The following ARSG variants were observed in gnomAD, a reference collection of about 807,000 sequenced individuals.
ARSG encodes the protein ASG.
A neutral mutation model predicts 50.5 loss-of-function variants in ARSG; 37 were observed. That is an observed-to-expected ratio of 0.73 (90% CI 0.56 to 0.96). The LOEUF (loss-of-function observed/expected upper bound fraction) is 0.96. Among genes scored for constraint, ARSG ranks in the 50% least tolerant of loss-of-function variants. ARSG has a pLI of 0.00. For synonymous variants in ARSG, 225 were observed against 254.6 expected (o/e 0.88, Z 1.11); for missense variants, 629 against 675.3 (o/e 0.93, Z 0.76).
chr17:68,383,726 G>A (rs1323420628), intron 8 of ARSG, among the ~76,000 whole-genome samples: 1 of 152,180 alleles, frequency 6.6e-6, no homozygotes, highest in South Asian at 2.1e-4. Flanking sequence ...CCAAGTGCGT[G>A]AATAAATTGG....
intron 6 of ARSG, among the ~76,000 whole-genome samples, chr17:68,360,517 G>A (rs1222494035): frequency 1.3e-5 from 2 of 152,212 alleles, no homozygotes; most frequent in Non-Finnish European, 2.9e-5. Flanking sequence ...TTTCACCCAA[G>A]ACCCTCGACG....
chr17:68,443,727 T>C, the ARSG span, among the ~76,000 whole-genome samples: 5 of 152,202 alleles, frequency 3.3e-5, no homozygotes, highest in South Asian at 4.1e-4. Context: ...TGTTCAATGA[T>C]ACTAAACTGA....
intron 11 of ARSG, among the ~76,000 whole-genome samples, chr17:68,417,346 A>G (rs2082434050): frequency 6.6e-6 from 1 of 152,174 alleles, no homozygotes; most frequent in Non-Finnish European, 1.5e-5. Flanking sequence ...TGGTATATTT[A>G]AAAATTACTT....
the ARSG span, among the ~76,000 whole-genome samples, chr17:68,438,717 C>T: frequency 6.6e-6 from 1 of 152,224 alleles, no homozygotes. Context: ...TCTCCTGTCT[C>T]AGCCTGCCAA....
At chr17:68,421,847 T>A, downstream of ARSG, 1 of 1,614,116 alleles carries the variant, frequency 6.2e-7, no homozygotes, top group Non-Finnish European at 8.5e-7. Context: ...AGAATGGCCT[T>A]ACTCTTCTCA....
At chr17:68,361,985 A>G (rs575824932) in intron 6 of ARSG, among the ~76,000 whole-genome samples, 15 of 152,166 alleles carry the variant, frequency 9.9e-5, no homozygotes, top group Admixed American at 3.9e-4. Flanking sequence ...GAATTGGGAG[A>G]AGTCGATGGT....
At chr17:68,344,769 G>T (rs2078431291) in intron 3 of ARSG, among the ~76,000 whole-genome samples, 1 of 152,194 alleles carries the variant, frequency 6.6e-6, no homozygotes, top group Non-Finnish European at 1.5e-5. Context: ...TGGGATCCCT[G>T]CCTCCTCCAC....
At chr17:68,362,063 A>G (rs1004079956) in intron 6 of ARSG, among the ~76,000 whole-genome samples, 33 of 152,234 alleles carry the variant, frequency 2.2e-4, no homozygotes, top group African/African-American at 7.0e-4. Flanking sequence ...GACACAGGAC[A>G]CGCATCTTTT....
At chr17:68,330,345 A>G (rs182457732) in intron 2 of ARSG, among the ~76,000 whole-genome samples, 1 of 152,252 alleles carries the variant, frequency 6.6e-6, no homozygotes, top group Non-Finnish European at 1.5e-5. Context: ...GAGACTGTAT[A>G]TTGCTCACCT....
intron 1 of ARSG, among the ~76,000 whole-genome samples, chr17:68,301,359 C>A (rs1444678733): frequency 6.6e-6 from 1 of 152,176 alleles, no homozygotes; most frequent in African/African-American, 2.4e-5. Context: ...AACCCTTTGT[C>A]CTGGCTATCG....
At chr17:68,284,103 CAAAAAAAAAAA>C (rs1189737736) in intron 1 of ARSG, among the ~76,000 whole-genome samples, 1 of 56,516 alleles carries the variant, frequency 1.8e-5, no homozygotes, top group African/African-American at 6.4e-5. Flanking sequence ...GACTCTGTCT[CAAAAAAAAAAA>C]AAAAAAAAAA....
intron 8 of ARSG, among the ~76,000 whole-genome samples, chr17:68,376,732 A>G (rs1464851101): frequency 6.6e-6 from 1 of 152,142 alleles, no homozygotes; most frequent in African/African-American, 2.4e-5. Context: ...GGAGCTGAGA[A>G]CAAGGAGAAG....
intron 3 of ARSG, among the ~76,000 whole-genome samples, chr17:68,345,792 A>C (rs2078475089): frequency 1.3e-5 from 2 of 152,202 alleles, no homozygotes; most frequent in Non-Finnish European, 2.9e-5. Context: ...ATTAAACAAT[A>C]CTTTTCATAA....
intron 1 of ARSG, among the ~76,000 whole-genome samples, chr17:68,305,087 T>G (rs1247511463): frequency 1.3e-5 from 2 of 152,184 alleles, no homozygotes; most frequent in African/African-American, 4.8e-5. Flanking sequence ...GGCAGAAGGA[T>G]CGTTTGAACC....
At chr17:68,369,948 A>G (rs561021839) in intron 7 of ARSG, among the ~76,000 whole-genome samples, 16 of 152,338 alleles carry the variant, frequency 1.1e-4, no homozygotes, top group Non-Finnish European at 2.2e-4. Flanking sequence ...CTGAAAGCCC[A>G]GTAGAGACAC....
downstream of ARSG, chr17:68,426,254 G>GGGGGGGGGGGGGGGGCCCCCCCCCC: frequency 1.2e-6 from 1 of 816,918 alleles, no homozygotes; most frequent in East Asian, 3.5e-5. Context: ...GGGAGCGGGG[G>GGGGGGGGGGGGGGGGCCCCCCCCCC]CTCAAATAAA....
At chr17:68,311,056 G>C (rs938114222) in intron 2 of ARSG, among the ~76,000 whole-genome samples, 4 of 152,182 alleles carry the variant, frequency 2.6e-5, no homozygotes, top group African/African-American at 7.2e-5. Context: ...AAATTAGCCA[G>C]ATGTGGCGGT....
In ARSG at chr17:68,412,540, G is replaced by C. The variant is rs552230894; in HGVS notation, c.1304-7649G>C. 1.7e-3 allele frequency among the ~76,000 whole-genome samples: 258 copies of C among 152,190 alleles called. 2 individuals carry two copies. Among genetic ancestry groups the C allele is most frequent in the African/African-American group, 5.8e-3 (240 of 41,522 alleles). On this transcript the variant is annotated intron_variant, in intron 11 of 11. Coordinates refer to ENST00000621439, the MANE Select transcript of ARSG (RefSeq NM_001267727.2). ...TGAGGGTAACCTGACCTTTCTCTCT[G>C]GCTGCCCTTAACATTTTTTCCTTCA...
At chr17:68,404,024 C>T (rs2081595883) in intron 11 of ARSG, among the ~76,000 whole-genome samples, 1 of 152,184 alleles carries the variant, frequency 6.6e-6, no homozygotes. Flanking sequence ...CATGTCCCTA[C>T]CAAGGACGTG....
Sources: allele counts gnomAD v4.1 joint callset (sites outside exome capture counted in the v4.1 genomes callset), GRCh38; gene constraint gnomAD v4.1.1; transcripts MANE v1.5; gene names NCBI Gene and HGNC (gene_info 2026-07-23, HGNC 2026-07-21).